LTBP1: variants seen among roughly 807,000 people sequenced by gnomAD.
The protein encoded by LTBP1 is latent-transforming growth factor beta-binding protein 1.
A neutral mutation model predicts 207.6 loss-of-function variants in LTBP1; 129 were observed. The ratio of observed to expected loss-of-function variants is 0.62; its 90% CI spans 0.54 to 0.72. The LOEUF is 0.72. Among genes scored for constraint, LTBP1 ranks in the 30% least tolerant of loss-of-function variants. The pLI is 0.00. For missense variants in LTBP1, 2,281 were observed against 2,217.2 expected, an observed-to-expected ratio of 1.03 and a Z score of -0.58; for synonymous variants, 963 against 833.7, an observed-to-expected ratio of 1.16 and a Z score of -2.67.
chr2:33,145,866 T>G (rs2082990481), intron 5 of LTBP1, among the ~76,000 whole-genome samples: 1 of 152,240 alleles, frequency 6.6e-6, no homozygotes, highest in Non-Finnish European at 1.5e-5. Context: ...AATATCCTTT[T>G]ATTGAAATAC....
At chr2:33,271,908 T>C (rs1232730211) in intron 15 of LTBP1, among the ~76,000 whole-genome samples, 2 of 152,218 alleles carry the variant, frequency 1.3e-5, no homozygotes, top group African/African-American at 4.8e-5. Context: ...CCCATGTTTT[T>C]AGCCTTTTGA....
intron 4 of LTBP1, among the ~76,000 whole-genome samples, chr2:33,112,384 A>G (rs1295490747): frequency 1.3e-5 from 2 of 152,210 alleles, no homozygotes; most frequent in Non-Finnish European, 2.9e-5. Context: ...GAATGTGAAG[A>G]TAAGTTTCTT....
chr2:33,008,568 A>G (rs773925025), intron 2 of LTBP1, among the ~76,000 whole-genome samples: 5 of 152,202 alleles, frequency 3.3e-5, no homozygotes, highest in Admixed American at 6.5e-5. Flanking sequence ...ATTTAAGTCT[A>G]TTTGCCTTCC....
rs1428022368 is a variant in LTBP1, at chr2:33,211,432, G to T, written c.1702-6120G>T. Among the ~76,000 whole-genome samples the T allele has an allele frequency of 2.9e-4, 44 of 152,212 alleles. 1 individual carries two copies. Among genetic ancestry groups the T allele is most frequent in the Admixed American group, 2.9e-3 (44 of 15,278 alleles). ...TTCTAATCCCCACACAGGGGTTGAT[G>T]GAGTCCCAGTATCTGGGATTGGACA... On this transcript the variant is annotated intron_variant, in intron 7 of 33. Coordinates refer to ENST00000404816, the MANE Select transcript of LTBP1 (RefSeq NM_206943.4).
Position 33,397,143 on chromosome 2 carries a change from T to C in LTBP1, c.4845T>C (p.Asn1615=). ...CCCTTTCCTTTCCAGGTTTTCTAAA[T>C]AGCTTTGAGGAGTTACAGGCTGAGG... ...DPYFIQDRFL[N]SFEELQAEEC... is the part of the protein sequence containing the mutation. The change falls in exon 33 of 34, where the codon AAT becomes AAC. Residue 1615 remains asparagine, a synonymous_variant. Transcript: ENST00000404816. 6.2e-7 allele frequency: 1 copy of C among 1,613,608 alleles called. No individual in the cohort carries two copies. Among genetic ancestry groups the C allele is most frequent in the Non-Finnish European group, 8.5e-7 (1 of 1,179,676 alleles).
chr2:33,077,338 C>CTATA (rs1329851497), intron 3 of LTBP1, among the ~76,000 whole-genome samples: 1 of 152,188 alleles, frequency 6.6e-6, no homozygotes, highest in African/African-American at 2.4e-5. Context: ...TCTTGCCCTG[C>CTATA]TATAAATAAA....
intron 31 of LTBP1, among the ~76,000 whole-genome samples, chr2:33,386,055 T>C (rs2095263088): frequency 6.6e-6 from 1 of 152,208 alleles, no homozygotes; most frequent in African/African-American, 2.4e-5. Context: ...TACCCTCCAC[T>C]GCCCGCTTCC....
At chr2:33,051,704 C>T (rs1282699902) in intron 3 of LTBP1, among the ~76,000 whole-genome samples, 1 of 152,154 alleles carries the variant, frequency 6.6e-6, no homozygotes, top group African/African-American at 2.4e-5. Flanking sequence ...GTGTGCAGAG[C>T]TGCTCTGGGT....
chr2:33,224,266 A>G (rs1323064907), intron 9 of LTBP1, among the ~76,000 whole-genome samples: 3 of 152,198 alleles, frequency 2.0e-5, no homozygotes, highest in Non-Finnish European at 4.4e-5. Context: ...GCTTTCTTGT[A>G]GTTGTTCCGT....
In LTBP1 at chr2:33,161,249, CT is replaced by C. The variant is rs1200893062; in HGVS notation, c.1202-25596del. Among the ~76,000 whole-genome samples the C allele has an allele frequency of 2.4e-3, 343 of 140,140 alleles. 1 individual carries two copies. Among genetic ancestry groups the C allele is most frequent in the East Asian group, 0.016 (76 of 4,876 alleles). 91.9% of individuals were successfully genotyped at this position (140,140 alleles called of 152,430 possible). ...CCTTACGTAGAGGTTAAATAGGAAG[CT>C]TTTTTTTTTTCCTTTTTTTTTTTTT... On this transcript the variant is annotated intron_variant, in intron 5 of 33. Coordinates refer to ENST00000404816, the MANE Select transcript of LTBP1 (RefSeq NM_206943.4).
chr2:33,251,695 G>C (rs962031295), intron 10 of LTBP1, among the ~76,000 whole-genome samples: 1 of 149,340 alleles, frequency 6.7e-6, no homozygotes, highest in Non-Finnish European at 1.5e-5. Flanking sequence ...AAAGATGCTA[G>C]AGGAATTGGG....
At chr2:33,076,182 G>C (rs1034471598) in intron 3 of LTBP1, among the ~76,000 whole-genome samples, 3 of 152,170 alleles carry the variant, frequency 2.0e-5, no homozygotes, top group Admixed American at 6.5e-5. Flanking sequence ...ACTTACGGAA[G>C]AATCTGTGAC....
At chr2:33,050,429 A>G (rs2076674817) in intron 3 of LTBP1, among the ~76,000 whole-genome samples, 1 of 152,120 alleles carries the variant, frequency 6.6e-6, no homozygotes, top group South Asian at 2.1e-4. Flanking sequence ...ATCTTTCTCC[A>G]TGTGGAGAAA....
intron 5 of LTBP1, among the ~76,000 whole-genome samples, chr2:33,180,242 A>G (rs1350575486): frequency 2.6e-5 from 4 of 152,180 alleles, no homozygotes; most frequent in African/African-American, 9.7e-5. Context: ...TTAGAACACA[A>G]CAACTGTAAA....
intron 11 of LTBP1, among the ~76,000 whole-genome samples, chr2:33,254,844 G>GGT (rs1437079046): frequency 2.3e-5 from 1 of 43,890 alleles, no homozygotes; most frequent in African/African-American, 1.6e-4. Flanking sequence ...GAGAACATGC[G>GGT]GTGTTTGGTT....
chr2:32,949,539 T>C (rs1676792029), intron 2 of LTBP1, among the ~76,000 whole-genome samples: 1 of 152,230 alleles, frequency 6.6e-6, no homozygotes, highest in Non-Finnish European at 1.5e-5. Flanking sequence ...TTAAAAAATG[T>C]GTTAATGATG....
chr2:33,005,441 A>C (rs1367303551), intron 2 of LTBP1, among the ~76,000 whole-genome samples: 1 of 152,088 alleles, frequency 6.6e-6, no homozygotes, highest in Non-Finnish European at 1.5e-5. Flanking sequence ...CTTCTCCATT[A>C]CATGATGGCT....
rs2077045260 is a variant in LTBP1 at position 33,057,213 on chromosome 2, TCC to T, written c.863+36008_863+36009del. Among the ~76,000 whole-genome samples, 3 of 151,710 alleles carry T rather than the reference TCC, an allele frequency of 2.0e-5. 1 individual carries two copies. Among genetic ancestry groups the T allele is most frequent in the Non-Finnish European group, 1.5e-5 (1 of 67,784 alleles). On this transcript the variant is annotated intron_variant, in intron 3 of 33. Transcript: ENST00000404816. ...TAGATACAGAGTGCCGATTGGTGCA[TCC>T]ACAAATCCTGAGCTAGAGACAGGGT...
chr2:33,241,807 A>G (rs1256206494), intron 9 of LTBP1, among the ~76,000 whole-genome samples: 2 of 152,198 alleles, frequency 1.3e-5, no homozygotes, highest in African/African-American at 4.8e-5. Flanking sequence ...GTAAGCTCCA[A>G]CTGGACTTGG....
Sources: allele counts gnomAD v4.1 joint callset (sites outside exome capture counted in the v4.1 genomes callset), GRCh38; gene constraint gnomAD v4.1.1; transcripts MANE v1.5; gene names NCBI Gene and HGNC (gene_info 2026-07-23, HGNC 2026-07-21).